Variants in MAP4K1 observed in about 807,000 individuals in gnomAD.
MAP4K1 encodes MAPK/ERK kinase kinase kinase 1.
In MAP4K1, 35 loss-of-function variants were observed where a neutral mutation model predicts 122.8. The observed-to-expected ratio is 0.29, with a 90% CI of 0.22 to 0.38. The LOEUF (loss-of-function observed/expected upper bound fraction) is 0.38, where lower values mean the gene tolerates loss of function less well. Ranked by LOEUF, MAP4K1 falls within the 10% of genes least tolerant of loss-of-function variation. The pLI is 1.00. For synonymous variants in MAP4K1, 412 were observed against 421.3 expected (o/e 0.98, Z 0.27); for missense variants, 791 against 1,072.6 (o/e 0.74, Z 3.67).
rs1379274279 is a variant in MAP4K1 at position 38,595,674 on chromosome 19, A to G, written c.2235T>C (p.Pro745=). Residue 745 remains proline, a synonymous_variant, in exon 28 of 31, where the codon CCT becomes CCC. Transcript: ENST00000396857. ...EGSPVRGLRT[P]EIPMTEAVEA... ...CCACCGCTTCGGTCATGGGGATCTC[A>G]GGTGTGCGAAGTCCCCGGACTGGGG... 13 of 1,612,900 alleles carry G rather than the reference A, an allele frequency of 8.1e-6. No homozygotes were observed. In the Admixed American group the frequency reaches 2.2e-4, roughly 27 times the overall value.
In MAP4K1 at chr19:38,605,619, G is replaced by A. The variant is rs542338613; in HGVS notation, c.1312C>T (p.Arg438Cys). ...CTGGTGGATGGGGGAGGCCCAGGAC[G>A]GGGGCTGTTTGGTGGGGGCCCACTG... ...CASGPPPNSP[R>C]PGPPPSTSSP... is the part of the protein sequence containing the mutation. The change falls in exon 18 of 31, where the codon CGT becomes TGT. Residue 438 changes from arginine (R) to cysteine (C), a missense_variant. Around this residue, in one of 4 missense-constraint regions of MAP4K1, gnomAD observed 303 missense variants for 344.8 expected, o/e 0.88. Transcript: ENST00000396857. 33 of 1,577,186 alleles carry A rather than the reference G, an allele frequency of 2.1e-5. 1 individual carries two copies. The Middle Eastern group carries it at 6.7e-4, about 32-fold the overall frequency.
In MAP4K1 at chr19:38,608,457, G is replaced by A. The variant is rs1975395871; in HGVS notation, c.1007-287C>T. On this transcript the variant is annotated intron_variant, in intron 13 of 30. Coordinates refer to ENST00000396857, the MANE Select transcript of MAP4K1 (RefSeq NM_001042600.3). ...CGCTGGAACCCAGAGTTTGAGACCT[G>A]CCTGGACAACTGGGCAAGAACCCAT... is the stretch of plus-strand genomic sequence containing the variant. 2.0e-5 allele frequency among the ~76,000 whole-genome samples: 3 copies of A among 151,878 alleles called. No homozygotes were observed. In the South Asian group the frequency reaches 6.2e-4, roughly 31 times the overall value.
chr19:38,612,772 G>A (rs368192469), intron 8 of MAP4K1, 30 bp from the exon 9 acceptor site: 170 of 1,608,762 alleles, frequency 1.1e-4, no homozygotes, highest in Non-Finnish European at 1.4e-4. Flanking sequence ...GAGAGCCAGA[G>A]GTGGCATGGG....
Position 38,608,101 on chromosome 19 carries a change from C to T in MAP4K1, c.1065+11G>A. ...GGCGGTGTGGTGGGGAGTGGGGGGA[C>T]AGCATCTCACGGTGTTGGCTGGGGG... is the stretch of plus-strand genomic sequence containing the variant. On this transcript the variant is annotated intron_variant, in intron 14 of 30. Transcript: ENST00000396857. 1 of 1,545,736 alleles carries T rather than the reference C, an allele frequency of 6.5e-7. No homozygotes were observed. The highest frequency in any genetic ancestry group is 8.7e-7 in the Non-Finnish European group (1 of 1,147,222).
chr19:38,610,992 G>T, intron 11 of MAP4K1, 59 bp downstream of exon 11: 1 of 1,423,790 alleles, frequency 7.0e-7, no homozygotes, highest in Non-Finnish European at 9.8e-7. Context: ...CATGTCCTCG[G>T]GAGTTGTGGA....
rs561752380 is a variant in MAP4K1 at position 38,617,842 on chromosome 19, G to A, written c.54C>T (p.Asp18=). ...TGCCGCCACCCAGCCGCTGTAGCAG[G>A]TCATAGTGGTCCCGGGGGTCTCTAT... ...IFNRDPRDHY[D]LLQRLGGGTY... is the part of the protein sequence containing the mutation. The change falls in exon 1 of 31, where the codon GAC becomes GAT. Residue 18 remains aspartate (D), a synonymous_variant. Transcript: ENST00000396857. This position sits in a 1 kb window ranked among gnomAD's most constrained non-coding sequence, Gnocchi z 4.1. The A allele has an allele frequency of 1.5e-5, 25 of 1,614,152 alleles. No homozygotes were observed. In the South Asian group the frequency reaches 1.8e-4, roughly 11 times the overall value.
chr19:38,591,456 G>T (rs562388947), intron 30 of MAP4K1, among the ~76,000 whole-genome samples: 1 of 150,430 alleles, frequency 6.6e-6, no homozygotes, highest in Non-Finnish European at 1.5e-5. Flanking sequence ...GCCTGAACCC[G>T]GGAGGCAGAG....
intron 19 of MAP4K1, among the ~76,000 whole-genome samples, chr19:38,605,081 G>A (rs1344387332): frequency 3.6e-5 from 5 of 138,892 alleles, no homozygotes; most frequent in Non-Finnish European, 7.6e-5. Flanking sequence ...GCAAAACTCC[G>A]TCTTTAAAAA....
At chr19:38,601,548 A>G (rs1975065535) in intron 19 of MAP4K1, 23 bp from the exon 20 acceptor site, 2 of 1,573,952 alleles carry the variant, frequency 1.3e-6, no homozygotes, top group African/African-American at 1.3e-5. Flanking sequence ...CCGCGGGGCC[A>G]GGCAGCAGAT....
Position 38,605,561 on chromosome 19 carries a change from C to T in MAP4K1, c.1363+7G>A. Reference sequence around the variant, plus strand: ...CTCCCGCCCTCCACCCTAGCCTGTCCCATTACCTGAATGGGCGGTGAGGTG... The same window carrying T: ...CTCCCGCCCTCCACCCTAGCCTGTCTCATTACCTGAATGGGCGGTGAGGTG... On this transcript the variant is annotated splice_region_variant and intron_variant, in intron 18 of 30. Transcript: ENST00000396857. 6.5e-7 allele frequency: 1 copy of T among 1,536,048 alleles called. No individual in the cohort carries two copies. Among genetic ancestry groups the T allele is most frequent in the Non-Finnish European group, 8.8e-7 (1 of 1,142,794 alleles).
intron 12 of MAP4K1, 33 bp downstream of exon 12, chr19:38,609,876 G>A: frequency 6.4e-7 from 1 of 1,572,220 alleles, no homozygotes; most frequent in Non-Finnish European, 8.8e-7. Flanking sequence ...AGACCGAGAG[G>A]TCCCCAGTGC....
intron 13 of MAP4K1, among the ~76,000 whole-genome samples, chr19:38,609,195 C>T (rs1026269604): frequency 6.6e-6 from 1 of 152,002 alleles, no homozygotes; most frequent in Admixed American, 6.6e-5. Context: ...AGTGCAGTGG[C>T]GCAATCTTGG....
chr19:38,589,528 G>C (rs1448750220), intron 30 of MAP4K1, among the ~76,000 whole-genome samples: 18 of 150,786 alleles, frequency 1.2e-4, no homozygotes, highest in Admixed American at 1.1e-3. Flanking sequence ...CGCTTCTCCT[G>C]CCTCAGCCTC....
intron 22 of MAP4K1, among the ~76,000 whole-genome samples, chr19:38,599,392 T>A (rs955483327): frequency 7.0e-6 from 1 of 143,146 alleles, no homozygotes; most frequent in Non-Finnish European, 1.5e-5. Context: ...CCAGGTGTGG[T>A]GGCTCATGCC....
At chr19:38,600,489 A>G (rs1007560584) in intron 20 of MAP4K1, among the ~76,000 whole-genome samples, 1 of 151,946 alleles carries the variant, frequency 6.6e-6, no homozygotes, top group Admixed American at 6.6e-5. Context: ...CTGATACCCT[A>G]ATGCCAATCC....
rs1364241468 is a variant in MAP4K1 at position 38,611,085 on chromosome 19, G to T, written c.776C>A (p.Pro259His). The change falls in exon 11 of 31, where the codon CCC becomes CAC. Residue 259 changes from proline (P) to histidine (H), a missense_variant. Physicochemically the swap from Pro to His is moderately conservative, Grantham distance 77. This residue lies in a region of MAP4K1 where 303 missense variants were observed against 344.8 expected (regional missense o/e 0.88). Coordinates refer to ENST00000396857, the MANE Select transcript of MAP4K1 (RefSeq NM_001042600.3). ...NFIKVTLTKS[P>H]KKRPSATKML... ...CTTGGTGGCGCTGGGTCGTTTCTTG[G>T]GACTCTTAGTCAGAGTGACTTTGAT... 1 of 1,613,290 alleles carries T rather than the reference G, an allele frequency of 6.2e-7. No individual in the cohort carries two copies. Among genetic ancestry groups the T allele is most frequent in the Non-Finnish European group, 8.5e-7 (1 of 1,179,764 alleles).
rs899346747 is a variant in MAP4K1 at position 38,594,509 on chromosome 19, G to A, written c.2340+976C>T. Among the ~76,000 whole-genome samples, 3 of 152,104 alleles carry A rather than the reference G, an allele frequency of 2.0e-5. No individual in the cohort carries two copies. In the East Asian group the frequency reaches 5.8e-4, roughly 29 times the overall value. Reference sequence around the variant, plus strand: ...ACAAAAATTACCTGGGCATGATGGAGTGTACCTGTAATCCCAGCTACTCGG... The same window carrying A: ...ACAAAAATTACCTGGGCATGATGGAATGTACCTGTAATCCCAGCTACTCGG... On this transcript the variant is annotated intron_variant, in intron 29 of 30. Coordinates refer to ENST00000396857, the MANE Select transcript of MAP4K1 (RefSeq NM_001042600.3).
chr19:38,605,811 C>T (rs1321074396), intron 17 of MAP4K1, 81 bp from the exon 18 acceptor site: 6 of 1,376,150 alleles, frequency 4.4e-6, no homozygotes, highest in Non-Finnish European at 5.9e-6. Context: ...AAGTCCCTGC[C>T]TCCACCAGAA....
Position 38,609,727 on chromosome 19 carries a change from C to T in MAP4K1, c.928-53G>A, listed in dbSNP as rs1235408472. 3.9e-6 allele frequency: 6 copies of T among 1,527,678 alleles called. No individual in the cohort carries two copies. The Admixed American group carries it at 1.1e-4, about 27-fold the overall frequency. The allele number at this position is 1,527,678 out of a possible 1,614,324, so 94.6% of individuals were successfully genotyped here. ...CTCAAGACCCCCAAGCAGCCTCCTACCCTGCCCGGGGTCCATCTGCTCTCT... is the reference window on the plus strand; with the variant it reads ...CTCAAGACCCCCAAGCAGCCTCCTATCCTGCCCGGGGTCCATCTGCTCTCT... On this transcript the variant is annotated intron_variant, in intron 12 of 30. Transcript: ENST00000396857.
Sources: allele counts gnomAD v4.1 joint callset (sites outside exome capture counted in the v4.1 genomes callset), GRCh38; gene constraint gnomAD v4.1.1; regional missense constraint gnomAD v4.1.1; non-coding constraint Gnocchi (gnomAD v3.1); transcripts MANE v1.5; gene names NCBI Gene and HGNC (gene_info 2026-07-23, HGNC 2026-07-21).